Variants in THSD7B observed in about 807,000 individuals in gnomAD.
THSD7B encodes thrombospondin type 1 domain containing 7B, also known as thrombospondin type-1 domain-containing protein 7B.
A neutral mutation model predicts 213.6 loss-of-function variants in THSD7B; 138 were observed. The observed-to-expected ratio is 0.65, with a 90% CI of 0.56 to 0.74. The LOEUF (loss-of-function observed/expected upper bound fraction) is 0.74. Ranked by LOEUF, THSD7B falls within the 30% of genes least tolerant of loss-of-function variation. The probability of loss-of-function intolerance (pLI) is 0.00; values close to 1 mark genes in which losing one functional copy is unlikely to be tolerated. For missense variants in THSD7B, 1,931 were observed against 1,991.5 expected (o/e 0.97, Z 0.58); for synonymous variants, 742 against 687.0 (o/e 1.08, Z -1.25).
Position 137,331,076 on chromosome 2 carries a change from T to C in THSD7B, c.2500+55050T>C, listed in dbSNP as rs182871384. On this transcript the variant is annotated intron_variant, in intron 12 of 27. Coordinates refer to ENST00000409968, the MANE Select transcript of THSD7B (RefSeq NM_001316349.2). ...CCCTGAGCTAGATGCAGGGTGCTGA[T>C]TGGTGTGTTTACAAACCTTGAGCTA... 3.4e-4 allele frequency among the ~76,000 whole-genome samples: 52 copies of C among 151,960 alleles called. 1 individual carries two copies. In the East Asian group the frequency reaches 7.8e-3, roughly 23 times the overall value.
intron 2 of THSD7B, among the ~76,000 whole-genome samples, chr2:136,996,865 ATGT>A (rs1215511085): frequency 6.6e-6 from 1 of 152,210 alleles, no homozygotes; most frequent in Admixed American, 6.5e-5. Flanking sequence ...ACTCTCTCTG[ATGT>A]TGGACTAAAT....
intron 2 of THSD7B, among the ~76,000 whole-genome samples, chr2:136,936,254 C>T (rs994808820): frequency 5.3e-5 from 8 of 151,946 alleles, no homozygotes; most frequent in African/African-American, 1.2e-4. Flanking sequence ...CTATGGAAAA[C>T]GGTGTGGAGA....
chr2:137,530,340 C>A (rs1470579624), intron 15 of THSD7B, among the ~76,000 whole-genome samples: 1 of 151,900 alleles, frequency 6.6e-6, no homozygotes, highest in African/African-American at 2.4e-5. Flanking sequence ...TGGGGTCTTG[C>A]ATGACATAGC....
At chr2:137,450,162 G>T (rs1687619249) in intron 14 of THSD7B, among the ~76,000 whole-genome samples, 1 of 152,156 alleles carries the variant, frequency 6.6e-6, no homozygotes, top group African/African-American at 2.4e-5. Flanking sequence ...ATTTGGTAGT[G>T]ATTATTAGAG....
At chr2:137,082,305 A>G (rs1158019065) in intron 3 of THSD7B, among the ~76,000 whole-genome samples, 1 of 151,974 alleles carries the variant, frequency 6.6e-6, no homozygotes, top group Non-Finnish European at 1.5e-5. Flanking sequence ...AAGTGTGTAT[A>G]TGTGTGTGTG....
intron 1 of THSD7B, among the ~76,000 whole-genome samples, chr2:136,831,549 G>T (rs766309616): frequency 6.6e-6 from 1 of 152,138 alleles, no homozygotes; most frequent in Non-Finnish European, 1.5e-5. Flanking sequence ...TGTGTAAAGA[G>T]GTATTCTCCA....
intron 15 of THSD7B, among the ~76,000 whole-genome samples, chr2:137,523,851 A>G (rs1680230777): frequency 6.6e-6 from 1 of 152,126 alleles, no homozygotes; most frequent in South Asian, 2.1e-4. Context: ...AGATCATTAT[A>G]TGATTCTAAA....
At chr2:137,412,380 C>A (rs1263828231) in intron 14 of THSD7B, among the ~76,000 whole-genome samples, 2 of 151,874 alleles carry the variant, frequency 1.3e-5, no homozygotes, top group Non-Finnish European at 2.9e-5. Flanking sequence ...GCAGGCGGAT[C>A]ACCTGAGGTC....
intron 2 of THSD7B, among the ~76,000 whole-genome samples, chr2:136,992,115 A>G (rs1685797526): frequency 6.6e-6 from 1 of 152,220 alleles, no homozygotes; most frequent in South Asian, 2.1e-4. Flanking sequence ...ACTTGGAAAA[A>G]ATAATTTAGT....
At chr2:137,509,611 C>G (rs900084898) in intron 15 of THSD7B, among the ~76,000 whole-genome samples, 6 of 152,082 alleles carry the variant, frequency 3.9e-5, no homozygotes, top group African/African-American at 1.4e-4. Flanking sequence ...AATATTTAGA[C>G]TAGCTACTTG....
chr2:137,527,892 G>A (rs1011549246), intron 15 of THSD7B, among the ~76,000 whole-genome samples: 3 of 152,062 alleles, frequency 2.0e-5, no homozygotes, highest in Non-Finnish European at 4.4e-5. Flanking sequence ...AAGCAACCAA[G>A]AGATAAGAAA....
chr2:137,358,218 G>A (rs1685176979), intron 12 of THSD7B, among the ~76,000 whole-genome samples: 1 of 152,176 alleles, frequency 6.6e-6, no homozygotes, highest in Non-Finnish European at 1.5e-5. Flanking sequence ...ACCATTCTAA[G>A]ATTCCCACTC....
intron 10 of THSD7B, among the ~76,000 whole-genome samples, chr2:137,253,917 A>G (rs1035192115): frequency 1.3e-5 from 2 of 152,290 alleles, no homozygotes; most frequent in Admixed American, 1.3e-4. Context: ...TTTAATTTAT[A>G]TTATTATAGT....
chr2:137,453,181 A>C (rs1389665931), intron 15 of THSD7B, among the ~76,000 whole-genome samples: 2 of 152,126 alleles, frequency 1.3e-5, no homozygotes, highest in African/African-American at 4.8e-5. Context: ...TATTAAAAAA[A>C]AGTTTATTTA....
intron 1 of THSD7B, among the ~76,000 whole-genome samples, chr2:136,766,995 TG>T (rs11367177): frequency 0.23 from 35,545 of 152,016 alleles, 4,315 homozygotes; most frequent in East Asian, 0.38. Context: ...TGTGTGTGTG[TG>T]TATACATGCG....
intron 27 of THSD7B, among the ~76,000 whole-genome samples, chr2:137,669,769 C>T (rs901672090): frequency 6.6e-6 from 1 of 152,146 alleles, no homozygotes; most frequent in Non-Finnish European, 1.5e-5. Flanking sequence ...TTCCCATTTC[C>T]CCTAAGTATT....
At chr2:136,840,105 G>A (rs907932983) in intron 1 of THSD7B, among the ~76,000 whole-genome samples, 5 of 152,142 alleles carry the variant, frequency 3.3e-5, no homozygotes, top group Admixed American at 6.6e-5. Context: ...GAGGCTGAGC[G>A]TGGTGGCTCA....
intron 1 of THSD7B, among the ~76,000 whole-genome samples, chr2:136,766,485 T>C (rs6736376): frequency 0.019 from 2,874 of 152,198 alleles, 96 homozygotes; most frequent in African/African-American, 0.064. Flanking sequence ...ACATGTCCCA[T>C]AGTATTAAAG....
intron 17 of THSD7B, among the ~76,000 whole-genome samples, chr2:137,587,648 G>C (rs938012354): frequency 6.6e-6 from 1 of 152,232 alleles, no homozygotes; most frequent in African/African-American, 2.4e-5. Context: ...CTGCAGAACA[G>C]CGAATATTGC....
Sources: allele counts gnomAD v4.1 joint callset (sites outside exome capture counted in the v4.1 genomes callset), GRCh38; gene constraint gnomAD v4.1.1; transcripts MANE v1.5; gene names NCBI Gene and HGNC (gene_info 2026-07-23, HGNC 2026-07-21).